The following LGALS4 variants were observed in gnomAD, a reference collection of about 807,000 sequenced individuals.
LGALS4 encodes the protein galectin 4, also known as galectin-4.
Under a neutral mutation model 39.6 loss-of-function variants are expected in LGALS4, and 37 were observed. The ratio of observed to expected loss-of-function variants is 0.93; its 90% CI spans 0.72 to 1.23. The LOEUF (loss-of-function observed/expected upper bound fraction) is 1.23, where lower values mean the gene tolerates loss of function less well. Among genes scored for constraint, LGALS4 ranks in the 50% most tolerant of loss-of-function variants. The pLI, the probability that LGALS4 is intolerant of heterozygous loss-of-function variation, is 0.00. For synonymous variants in LGALS4, 160 were observed against 165.5 expected (o/e 0.97, Z 0.25); for missense variants, 397 against 433.2 (o/e 0.92, Z 0.74).
In LGALS4 at chr19:38,809,173, C is replaced by CTT. The variant is rs34677297; in HGVS notation, c.135-227_135-226dup. On this transcript the variant is annotated intron_variant, in intron 2 of 9. Coordinates refer to ENST00000307751, the MANE Select transcript of LGALS4 (RefSeq NM_006149.4). ...ACACCTTCGCTCACAGCCTTTCCTT[C>CTT]TTTTTTTTTTTTTTTTTTTTTTTGA... 4.5e-3 allele frequency among the ~76,000 whole-genome samples: 473 copies of CTT among 104,846 alleles called. 5 individuals are homozygous for CTT. Among genetic ancestry groups the CTT allele is most frequent in the African/African-American group, 0.011 (317 of 27,936 alleles). The allele number at this position is 104,846 out of a possible 152,430, so 68.8% of individuals were successfully genotyped here. A position where few individuals can be genotyped will look rare whatever the true frequency, so the allele number is the denominator to read the frequency against.
Position 38,803,764 on chromosome 19 carries a change from T to G in LGALS4, c.518A>C (p.His173Pro), listed in dbSNP as rs771312243. ...MPPYPGPGHCHQQLNSLPTME... is the reference protein window; with the variant it reads ...MPPYPGPGHCPQQLNSLPTME... ...CACGGGCAGGCTGTTCAGCTGTTGA[T>G]GGCAATGTCCGGGACCCTGAACGAT... Residue 173 changes from histidine (H) to proline (P), a missense_variant, in exon 6 of 10, where the codon CAT (histidine) becomes CCT (proline). By Grantham distance (77) the His-to-Pro change is moderately conservative (BLOSUM62 -2). Transcript: ENST00000307751. 6.2e-7 allele frequency: 1 copy of G among 1,613,536 alleles called. No homozygotes were observed. The highest frequency in any genetic ancestry group is 1.1e-5 in the South Asian group (1 of 90,954).
At chr19:38,808,648 G>GAAAT in intron 3 of LGALS4, 96 bp downstream of exon 3, 4 of 794,352 alleles carry the variant, frequency 5.0e-6, no homozygotes, top group Non-Finnish European at 7.8e-6. Context: ...AAAAAAGAAA[G>GAAAT]AAAGAAAGAA....
At chr19:38,810,354 CTTTTTT>C (rs761533885) in intron 2 of LGALS4, among the ~76,000 whole-genome samples, 3 of 92,876 alleles carry the variant, frequency 3.2e-5, no homozygotes, top group African/African-American at 1.0e-4. Flanking sequence ...GAGATTTCGC[CTTTTTT>C]TTTTTTTTTT....
rs1019533941 is a variant in LGALS4 at position 38,810,422 on chromosome 19, G to A, written c.135-1474C>T. On this transcript the variant is annotated intron_variant, in intron 2 of 9. Transcript: ENST00000307751. ...CTTTCGCCCAGGCTGGAGTGCAGTG[G>A]CGCAATCTTGGCTCACTGCAAGCTC... Among the ~76,000 whole-genome samples, 5 of 145,070 alleles carry A rather than the reference G, an allele frequency of 3.4e-5. No individual in the cohort carries two copies. The South Asian group carries it at 1.1e-3, about 32-fold the overall frequency.
At chr19:38,802,584 TGCTGG>T (rs1971370250) in intron 7 of LGALS4, among the ~76,000 whole-genome samples, 180 bp from the exon 8 acceptor site, 1 of 152,152 alleles carries the variant, frequency 6.6e-6, no homozygotes, top group African/African-American at 2.4e-5. Context: ...AGCCTCAAAC[TGCTGG>T]GCTCAAGCAA....
At chr19:38,810,858 C>T (rs1238652085) in intron 2 of LGALS4, among the ~76,000 whole-genome samples, 1 of 150,392 alleles carries the variant, frequency 6.6e-6, no homozygotes, top group Non-Finnish European at 1.5e-5. Context: ...TCCTCATTTT[C>T]TTCATAGCAC....
At chr19:38,802,696 T>C (rs924909069) in intron 7 of LGALS4, among the ~76,000 whole-genome samples, 4 of 150,414 alleles carry the variant, frequency 2.7e-5, no homozygotes, top group South Asian at 2.1e-4. Context: ...TTTTTTTTTT[T>C]AGGCAGAGTC....
At chr19:38,812,637 A>G (rs1248697559) in intron 1 of LGALS4, 118 bp from the exon 2 acceptor site, 2 of 1,031,802 alleles carry the variant, frequency 1.9e-6, no homozygotes, top group Middle Eastern at 2.1e-4. Context: ...GGGGAGGACC[A>G]GGTTGAAGAT....
chr19:38,810,513 C>T (rs1192289059), intron 2 of LGALS4, among the ~76,000 whole-genome samples: 1 of 151,992 alleles, frequency 6.6e-6, no homozygotes, highest in Non-Finnish European at 1.5e-5. Context: ...CAGGCACCCG[C>T]CACCATGCCC....
At position 38,811,335 on chromosome 19, in the gene LGALS4, T is replaced by C. The variant is rs546201520; in HGVS notation, c.134+1096A>G. Among the ~76,000 whole-genome samples, 4 of 151,996 alleles carry C rather than the reference T, an allele frequency of 2.6e-5. No individual in the cohort carries two copies. In the South Asian group the frequency reaches 8.3e-4, roughly 32 times the overall value. On this transcript the variant is annotated intron_variant, in intron 2 of 9. Coordinates refer to ENST00000307751, the MANE Select transcript of LGALS4 (RefSeq NM_006149.4). ...AGTGAAGAAGTAAACAATAAATAAA[T>C]AAACAACAGGCTGGGCAGAGTGGCT...
intron 4 of LGALS4, among the ~76,000 whole-genome samples, chr19:38,805,009 T>TA (rs1470956912): frequency 2.0e-5 from 3 of 150,876 alleles, no homozygotes; most frequent in African/African-American, 7.3e-5. Flanking sequence ...ACAAAAAATT[T>TA]AAAAACTAGC....
chr19:38,811,128 C>T (rs1373184770), intron 2 of LGALS4, among the ~76,000 whole-genome samples: 2 of 151,588 alleles, frequency 1.3e-5, no homozygotes, highest in East Asian at 2.0e-4. Flanking sequence ...CTTGAACTCC[C>T]GATCTCAGGT....
chr19:38,806,635 G>A, intron 3 of LGALS4, 40 bp from the exon 4 acceptor site: 1 of 1,608,522 alleles, frequency 6.2e-7, no homozygotes, highest in Non-Finnish European at 8.5e-7. Flanking sequence ...CAGCACCCAT[G>A]ATCCTGGGAA....
chr19:38,802,005 C>A lies in LGALS4; in HGVS notation c.812G>T (p.Gly271Val). 1.2e-6 allele frequency: 2 copies of A among 1,614,216 alleles called. No individual in the cohort carries two copies. Among genetic ancestry groups the A allele is most frequent in the South Asian group, 2.2e-5 (2 of 91,082 alleles). ...GCTCAGACTCACATCAAAGAACTGT[C>A]CGGGACCAAATGGGTTGTGGGTGAT... is the stretch of plus-strand genomic sequence containing the variant. ...KKITHNPFGPGQFFDLSIRCG... is the reference protein window; with the variant it reads ...KKITHNPFGPVQFFDLSIRCG... The change falls in exon 9 of 10, where the codon GGA (glycine) becomes GTA (valine). Residue 271 changes from glycine to valine, a missense_variant. By Grantham distance (109) the Gly-to-Val change is moderately radical (BLOSUM62 -3). Coordinates refer to ENST00000307751, the MANE Select transcript of LGALS4 (RefSeq NM_006149.4).
At chr19:38,802,261 T>C (rs2145351279) in intron 8 of LGALS4, 55 bp downstream of exon 8, 1 of 1,596,122 alleles carries the variant, frequency 6.3e-7, no homozygotes, top group Non-Finnish European at 8.6e-7. Flanking sequence ...AGGGTCTAGA[T>C]TGTTGGGTCT....
chr19:38,807,628 G>T (rs1447279557), intron 3 of LGALS4, among the ~76,000 whole-genome samples: 2 of 152,146 alleles, frequency 1.3e-5, no homozygotes, highest in Admixed American at 1.3e-4. Context: ...CAGCTCCGAA[G>T]AGACAGCGAC....
At chr19:38,803,925 G>A (rs376786573) in intron 4 of LGALS4, 30 bp from the exon 5 acceptor site, 50 of 1,594,266 alleles carry the variant, frequency 3.1e-5, no homozygotes, top group Non-Finnish European at 4.2e-5. Context: ...AAGCGGTTAT[G>A]AGAGGGTCCC....
chr19:38,812,635 C>T, intron 1 of LGALS4, 116 bp from the exon 2 acceptor site: 2 of 1,051,988 alleles, frequency 1.9e-6, no homozygotes, highest in Admixed American at 1.9e-5. Flanking sequence ...TGGGGGAGGA[C>T]CAGGTTGAAG....
chr19:38,802,501 T>C, intron 7 of LGALS4, 97 bp from the exon 8 acceptor site: 1 of 949,292 alleles, frequency 1.1e-6, no homozygotes, highest in Non-Finnish European at 1.7e-6. Context: ...TTCCTGTCTT[T>C]TTTTCTTATA....
Sources: gnomAD v4.1 joint callset for allele counts (sites outside exome capture counted in the v4.1 genomes callset) on GRCh38, gnomAD v4.1.1 for gene constraint, MANE v1.5 for transcripts, NCBI Gene and HGNC (gene_info 2026-07-23, HGNC 2026-07-21) for gene names.